The following FAM91A1 variants were observed in gnomAD, a reference collection of about 807,000 sequenced individuals.
FAM91A1 encodes family with sequence similarity 91 member A1.
FAM91A1 carries 41 observed loss-of-function variants against 113.5 expected under a neutral mutation model. That is an observed-to-expected ratio of 0.36 (90% CI 0.28 to 0.47). The LOEUF (loss-of-function observed/expected upper bound fraction) is 0.47. Ranked by LOEUF, FAM91A1 falls within the 20% of genes least tolerant of loss-of-function variation. The pLI is 1.00. For synonymous variants in FAM91A1, 307 were observed against 347.9 expected (o/e 0.88, Z 1.31); for missense variants, 696 against 1,001.2 (o/e 0.70, Z 4.11).
chr8:123,800,264 GTATA>G (rs146624491), intron 18 of FAM91A1, among the ~76,000 whole-genome samples: 1 of 149,718 alleles, frequency 6.7e-6, no homozygotes, highest in Non-Finnish European at 1.5e-5. Context: ...TTTCCTATAT[GTATA>G]TATATATATA....
rs570344001 is a variant in FAM91A1 at position 123,799,832 on chromosome 8, A to G, written c.1756A>G (p.Asn586Asp). 7 of 1,609,728 alleles carry G rather than the reference A, an allele frequency of 4.3e-6. No homozygotes were observed. Among genetic ancestry groups the G allele is most frequent in the South Asian group, 1.1e-5 (1 of 90,652 alleles). ...TGATCCTGGAGTAGTTCCTACCTCA[A>G]ATGTGCTCACGATGTTGAATGATGC... ...GHDPGVVPTSNVLTMLNDALT... is the reference protein window; with the variant it reads ...GHDPGVVPTSDVLTMLNDALT... The change falls in exon 18 of 24, where the codon AAT (asparagine) becomes GAT (aspartate). Residue 586 changes from asparagine (N) to aspartate (D), a missense_variant. Transcript: ENST00000334705.
At chr8:123,809,655 C>G (rs1187763349) in intron 22 of FAM91A1, among the ~76,000 whole-genome samples, 2 of 152,132 alleles carry the variant, frequency 1.3e-5, no homozygotes, top group African/African-American at 4.8e-5. Context: ...ATCCACAAGT[C>G]AAGATCTTCT....
intron 4 of FAM91A1, 140 bp from the exon 5 acceptor site, chr8:123,777,885 C>T (rs962877754): frequency 1.9e-5 from 12 of 643,642 alleles, no homozygotes; most frequent in African/African-American, 5.7e-5. Flanking sequence ...TGGTTGAAGA[C>T]GTCCTTTTAA....
chr8:123,798,653 G>GA, intron 16 of FAM91A1, among the ~76,000 whole-genome samples: 1 of 152,308 alleles, frequency 6.6e-6, no homozygotes, highest in East Asian at 1.9e-4. Flanking sequence ...ATTTATATGT[G>GA]AAAATTCCTT....
chr8:123,774,066 G>A lies in FAM91A1; in HGVS notation c.73-14G>A. ...TTTGGAAGTTGTTTAAAATCTTTTT[G>A]AAATTTCTCCTAGAGTCTTGGAAAT... is the stretch of plus-strand genomic sequence containing the variant. On this transcript the variant is annotated splice_polypyrimidine_tract_variant and intron_variant, in intron 1 of 23. Transcript: ENST00000334705. 6.2e-7 allele frequency: 1 copy of A among 1,600,922 alleles called. No individual in the cohort carries two copies. The highest frequency in any genetic ancestry group is 8.5e-7 in the Non-Finnish European group (1 of 1,173,766).
intron 22 of FAM91A1, among the ~76,000 whole-genome samples, chr8:123,809,644 A>G (rs6998271): frequency 0.25 from 37,714 of 152,084 alleles, 5,599 homozygotes; most frequent in African/African-American, 0.4. Context: ...GGAGAGGTGA[A>G]ATCCACAAGT....
intron 15 of FAM91A1, among the ~76,000 whole-genome samples, chr8:123,797,041 C>T (rs2130124294): frequency 6.6e-6 from 1 of 151,764 alleles, no homozygotes; most frequent in African/African-American, 2.4e-5. Flanking sequence ...AGCCTGTCGA[C>T]AGAGTGAGAC....
chr8:123,793,078 G>A (rs1815426633), intron 15 of FAM91A1, among the ~76,000 whole-genome samples: 1 of 152,100 alleles, frequency 6.6e-6, no homozygotes, highest in Non-Finnish European at 1.5e-5. Context: ...ATATGCTGAC[G>A]TTATGGTTAA....
Position 123,775,170 on chromosome 8 carries a change from C to T in FAM91A1, c.181C>T (p.Arg61Cys), listed in dbSNP as rs897937012. The T allele has an allele frequency of 2.4e-5, 38 of 1,609,794 alleles. 1 individual carries two copies. Among genetic ancestry groups the T allele is most frequent in the Middle Eastern group, 3.8e-4 (2 of 5,310 alleles). ...AGTTAAACATGTCAAGAAAGATGAA[C>T]GCAGATACTATGAGGAACTGCTAAA... The part of the protein sequence containing the change: ...NLVKHVKKDE[R>C]RYYEELLKYS... The change falls in exon 3 of 24, where the codon CGC becomes TGC. Residue 61 changes from arginine (R) to cysteine (C), a missense_variant. Coordinates refer to ENST00000334705, the MANE Select transcript of FAM91A1 (RefSeq NM_144963.4).
intron 15 of FAM91A1, among the ~76,000 whole-genome samples, chr8:123,792,625 A>G (rs1815410748): frequency 6.6e-6 from 1 of 152,228 alleles, no homozygotes; most frequent in South Asian, 2.1e-4. Flanking sequence ...TTGTCAAGCT[A>G]TTAGAAACGT....
rs150893777 is a variant in FAM91A1, at chr8:123,778,190, A to G, written c.435+98A>G. On this transcript the variant is annotated intron_variant, in intron 5 of 23. Transcript: ENST00000334705. ...ATAATGAATTGTATGTCTTTGACCA[A>G]ATAAAATGTACTTAACACAGAAACA... 83 of 838,644 alleles carry G rather than the reference A, an allele frequency of 9.9e-5. No individual in the cohort carries two copies. The East Asian group carries it at 2.2e-3, about 22-fold the overall frequency. 52.0% of individuals were successfully genotyped at this position (838,644 alleles called of 1,614,324 possible).
At chr8:123,812,196 T>G (rs1330652808) in intron 23 of FAM91A1, 1 of 180,610 alleles carries the variant, frequency 5.5e-6, no homozygotes. Flanking sequence ...TTTTTTTTTT[T>G]TAGAGATTTT....
At chr8:123,790,103 A>G (rs919625938) in intron 15 of FAM91A1, among the ~76,000 whole-genome samples, 4 of 152,220 alleles carry the variant, frequency 2.6e-5, no homozygotes, top group Non-Finnish European at 5.9e-5. Flanking sequence ...TTCAAGAATG[A>G]AAGATTCCAT....
chr8:123,768,906 G>C, intron 1 of FAM91A1, 132 bp downstream of exon 1: 1 of 920,828 alleles, frequency 1.1e-6, no homozygotes. Flanking sequence ...GTGGTCTTGG[G>C]GAGACGGACC....
Position 123,799,383 on chromosome 8 carries a change from T to C in FAM91A1, c.1561-137T>C, listed in dbSNP as rs893614110. ...CAGTATAAAATTGAAACTATTTTAATGAAACATTTAAAGTTATTTTCTTGA... is the reference window on the plus strand; with the variant it reads ...CAGTATAAAATTGAAACTATTTTAACGAAACATTTAAAGTTATTTTCTTGA... On this transcript the variant is annotated intron_variant, in intron 16 of 23. Transcript: ENST00000334705. The C allele has an allele frequency of 3.0e-5, 23 of 754,226 alleles. No homozygotes were observed. The South Asian group carries it at 5.2e-4, about 17-fold the overall frequency. The allele number at this position is 754,226 out of a possible 1,614,324, so 46.7% of individuals were successfully genotyped here.
intron 6 of FAM91A1, among the ~76,000 whole-genome samples, chr8:123,779,775 G>A (rs1297313681): frequency 6.6e-6 from 1 of 152,134 alleles, no homozygotes; most frequent in Non-Finnish European, 1.5e-5. Context: ...CAGTAAGTTT[G>A]TTCTCTACAT....
chr8:123,811,816 G>A (rs774053343), intron 23 of FAM91A1, among the ~76,000 whole-genome samples: 4 of 152,106 alleles, frequency 2.6e-5, no homozygotes, highest in African/African-American at 4.8e-5. Flanking sequence ...TCTGAGAAGC[G>A]TGGAGTAGGT....
intron 18 of FAM91A1, among the ~76,000 whole-genome samples, chr8:123,801,232 G>A (rs910242328): frequency 9.9e-5 from 15 of 152,238 alleles, no homozygotes; most frequent in African/African-American, 1.9e-4. Flanking sequence ...ACATTTTCCC[G>A]AAGACTAATA....
Position 123,787,759 on chromosome 8 carries a change from A to G in FAM91A1, c.1278+9A>G, listed in dbSNP as rs1443550113. On this transcript the variant is annotated intron_variant, in intron 14 of 23. Coordinates refer to ENST00000334705, the MANE Select transcript of FAM91A1 (RefSeq NM_144963.4). ...TTATAGAACTAGAAAAGGTAAATGT[A>G]GATTGCATGTAAGGGGATGTTAGGG... is the stretch of plus-strand genomic sequence containing the variant. The G allele has an allele frequency of 6.2e-7, 1 of 1,602,308 alleles. No homozygotes were observed. Among genetic ancestry groups the G allele is most frequent in the African/African-American group, 1.3e-5 (1 of 74,372 alleles).
Sources: gnomAD v4.1 joint callset for allele counts (sites outside exome capture counted in the v4.1 genomes callset) on GRCh38, gnomAD v4.1.1 for gene constraint, MANE v1.5 for transcripts, NCBI Gene and HGNC (gene_info 2026-07-23, HGNC 2026-07-21) for gene names.